Variants in STAB2 observed in about 807,000 individuals in gnomAD.
STAB2 encodes stabilin-2.
A neutral mutation model predicts 338.1 loss-of-function variants in STAB2; 288 were observed. The ratio of observed to expected loss-of-function variants is 0.85; its 90% CI spans 0.77 to 0.94. The LOEUF is 0.94. STAB2 is among the 40% of genes least tolerant of loss of function. The probability of loss-of-function intolerance (pLI) is 0.00; values close to 1 mark genes in which losing one functional copy is unlikely to be tolerated. For missense variants in STAB2, 3,141 were observed against 3,210.1 expected (o/e 0.98, Z 0.52); for synonymous variants, 1,202 against 1,193.3 (o/e 1.01, Z -0.15).
chr12:103,679,228 C>G (rs1876673399), intron 25 of STAB2, among the ~76,000 whole-genome samples: 1 of 152,068 alleles, frequency 6.6e-6, no homozygotes, highest in African/African-American at 2.4e-5. Flanking sequence ...ATTAGTCGGG[C>G]ATTGTGGTGC....
intron 9 of STAB2, among the ~76,000 whole-genome samples, chr12:103,647,900 A>G (rs1033167358): frequency 6.6e-6 from 1 of 152,214 alleles, no homozygotes; most frequent in African/African-American, 2.4e-5. Flanking sequence ...CATTGTTTAT[A>G]TACTTCATTG....
intron 33 of STAB2, among the ~76,000 whole-genome samples, chr12:103,696,284 C>T (rs556699167): frequency 5.9e-5 from 9 of 152,196 alleles, no homozygotes; most frequent in African/African-American, 2.2e-4. Flanking sequence ...GGGGTGGCTT[C>T]TCGGGGCTTT....
At chr12:103,605,542 A>G (rs1010077542) in intron 3 of STAB2, among the ~76,000 whole-genome samples, 4 of 151,900 alleles carry the variant, frequency 2.6e-5, no homozygotes, top group African/African-American at 9.7e-5. Context: ...TACTTGTTCT[A>G]TTGATTATTG....
rs993725728 is a variant in STAB2, at chr12:103,638,186, G to C, written c.880G>C (p.Val294Leu). 1 of 1,614,220 alleles carries C rather than the reference G, an allele frequency of 6.2e-7. No individual in the cohort carries two copies. The highest frequency in any genetic ancestry group is 8.5e-7 in the Non-Finnish European group (1 of 1,180,036). Reference protein sequence around the residue: ...NFGNCPTKSTVCKYDGPGQSH... With the variant: ...NFGNCPTKSTLCKYDGPGQSH... ...TGGAAACTGCCCTACAAAGTCTACA[G>C]TGTGCAAATATGATGGGCCTGGACA... The change falls in exon 8 of 69, where the codon GTG becomes CTG. Residue 294 changes from valine to leucine, a missense_variant. Transcript: ENST00000388887.
At chr12:103,654,409 C>T (rs1874018441) in intron 12 of STAB2, 146 bp from the exon 13 acceptor site, 2 of 825,522 alleles carry the variant, frequency 2.4e-6, no homozygotes, top group Non-Finnish European at 3.6e-6. Context: ...ACACTTTCAT[C>T]CCCACTTTAG....
intron 51 of STAB2, among the ~76,000 whole-genome samples, chr12:103,733,648 C>T (rs1881824425): frequency 6.6e-6 from 1 of 152,114 alleles, no homozygotes; most frequent in African/African-American, 2.4e-5. Flanking sequence ...TAGAAACTAG[C>T]ATGATCATAT....
At chr12:103,685,480 G>A (rs891228478) in intron 27 of STAB2, among the ~76,000 whole-genome samples, 5 of 151,474 alleles carry the variant, frequency 3.3e-5, no homozygotes, top group East Asian at 1.9e-4. Flanking sequence ...GTGCGTGCGC[G>A]CATGTGTGTG....
chr12:103,763,845 C>T (rs1884720184), intron 68 of STAB2: 1 of 386,002 alleles, frequency 2.6e-6, no homozygotes, highest in East Asian at 4.2e-5. Flanking sequence ...CAGGCGAGAA[C>T]AAGAGGTTGT....
At chr12:103,758,844 C>T (rs1438842033) in intron 64 of STAB2, among the ~76,000 whole-genome samples, 2 of 152,040 alleles carry the variant, frequency 1.3e-5, no homozygotes, top group Non-Finnish European at 2.9e-5. Context: ...GCCCCACCAG[C>T]CACCTGAGGG....
At chr12:103,663,098 G>A in intron 18 of STAB2, 100 bp downstream of exon 18, 1 of 1,470,174 alleles carries the variant, frequency 6.8e-7, no homozygotes, top group Non-Finnish European at 9.2e-7. Flanking sequence ...AAGAAAGTTG[G>A]ACTTCCAGAA....
chr12:103,761,327 G>T lies in STAB2; in HGVS notation c.7276G>T (p.Ala2426Ser). 1 of 1,614,084 alleles carries T rather than the reference G, an allele frequency of 6.2e-7. No individual in the cohort carries two copies. The highest frequency in any genetic ancestry group is 8.5e-7 in the Non-Finnish European group (1 of 1,179,990). Residue 2426 changes from alanine to serine, a missense_variant, in exon 66 of 69, where the codon GCC becomes TCC. Physicochemically the swap from Ala to Ser is moderately conservative, Grantham distance 99. Coordinates refer to ENST00000388887, the MANE Select transcript of STAB2 (RefSeq NM_017564.10). ...PTETRFVDGR[A>S]ILQWDIFASN... ...GGAGACCAGGTTTGTTGATGGAAGA[G>T]CCATTCTGCAGTGGGACATCTTTGC...
At chr12:103,685,899 C>A (rs958013216) in intron 27 of STAB2, among the ~76,000 whole-genome samples, 2 of 151,854 alleles carry the variant, frequency 1.3e-5, no homozygotes, top group Non-Finnish European at 2.9e-5. Flanking sequence ...TCTTTATTTT[C>A]TTTTCATCCC....
chr12:103,749,558 G>A (rs111979420), intron 59 of STAB2, among the ~76,000 whole-genome samples: 33,165 of 151,678 alleles, frequency 0.22, 3,765 homozygotes, highest in South Asian at 0.28. Flanking sequence ...GGCCGGGCAC[G>A]GTGGCTCACG....
At chr12:103,595,078 G>A (rs1452207127) in intron 3 of STAB2, among the ~76,000 whole-genome samples, 2 of 152,116 alleles carry the variant, frequency 1.3e-5, no homozygotes, top group Admixed American at 1.3e-4. Flanking sequence ...TACTAGCAAA[G>A]TCTGAATCAA....
rs768040233 is a variant in STAB2, at chr12:103,749,156, G to A, written c.6438G>A (p.Pro2146=). 14 of 1,592,336 alleles carry A rather than the reference G, an allele frequency of 8.8e-6. No individual in the cohort carries two copies. Among genetic ancestry groups the A allele is most frequent in the Admixed American group, 1.7e-5 (1 of 58,744 alleles). ...ACGCCACCTGTAAGATGACAGGCCC[G>A]GTGAGTCGCTCTTTCCCAGGGAAAT... ...HEHATCKMTG[P]GKHKCECKSH... Residue 2146 remains proline (P), a splice_region_variant and synonymous_variant, in exon 59 of 69, where the codon CCG becomes CCA. Transcript: ENST00000388887.
intron 38 of STAB2, 100 bp downstream of exon 38, chr12:103,707,087 C>A: frequency 7.3e-7 from 1 of 1,372,292 alleles, no homozygotes; most frequent in South Asian, 1.4e-5. Context: ...GCTGGCCTGT[C>A]GCCCCAAGTG....
chr12:103,679,103 CTG>C (rs1388877047), intron 25 of STAB2, among the ~76,000 whole-genome samples: 1 of 152,046 alleles, frequency 6.6e-6, no homozygotes, highest in African/African-American at 2.4e-5. Flanking sequence ...GGGCCGGGCA[CTG>C]TGGCTTACAC....
At chr12:103,759,415 A>G (rs1884380508) in intron 65 of STAB2, 142 bp downstream of exon 65, 1 of 1,225,818 alleles carries the variant, frequency 8.2e-7, no homozygotes, top group Non-Finnish European at 1.1e-6. Context: ...TTAACTGCCC[A>G]CTACAGCATA....
intron 20 of STAB2, 32 bp downstream of exon 20, chr12:103,668,761 G>T: frequency 6.6e-7 from 1 of 1,507,434 alleles, no homozygotes. Flanking sequence ...CCCAGTCTAG[G>T]CCAGTAGGGC....
Sources: allele counts gnomAD v4.1 joint callset (sites outside exome capture counted in the v4.1 genomes callset), GRCh38; gene constraint gnomAD v4.1.1; transcripts MANE v1.5; gene names NCBI Gene and HGNC (gene_info 2026-07-23, HGNC 2026-07-21).